The following DPF3 variants were observed in gnomAD, a reference collection of about 807,000 sequenced individuals.
DPF3 encodes the protein double PHD fingers 3, also known as zinc finger protein DPF3.
DPF3 carries 18 observed loss-of-function variants against 56.8 expected under a neutral mutation model. The observed-to-expected ratio is 0.32, with a 90% confidence interval of 0.22 to 0.47. DPF3 has a LOEUF of 0.47. DPF3 is among the 20% of genes least tolerant of loss of function. The pLI, the probability that DPF3 is intolerant of heterozygous loss-of-function variation, is 1.00. For synonymous variants in DPF3, 188 were observed against 180.2 expected (o/e 1.04, Z -0.35); for missense variants, 403 against 488.8 (o/e 0.82, Z 1.65).
intron 8 of DPF3, chr14:72,662,342 T>C (rs1886252534): frequency 2.0e-6 from 2 of 984,966 alleles, no homozygotes; most frequent in African/African-American, 1.7e-5. Context: ...AGTACTCTTA[T>C]GATTTCATGT....
intron 8 of DPF3, among the ~76,000 whole-genome samples, chr14:72,639,582 G>A (rs1885481818): frequency 6.6e-6 from 1 of 152,168 alleles, no homozygotes; most frequent in South Asian, 2.1e-4. Flanking sequence ...GGTCCATGTG[G>A]CAACATATGA....
At chr14:72,850,115 T>C (rs1884917010) in intron 1 of DPF3, among the ~76,000 whole-genome samples, 1 of 150,930 alleles carries the variant, frequency 6.6e-6, no homozygotes, top group African/African-American at 2.4e-5. Context: ...AGAAACTCCA[T>C]CTAAAAAAAA....
At chr14:72,828,724 G>A (rs1028019711) in intron 1 of DPF3, among the ~76,000 whole-genome samples, 1 of 152,032 alleles carries the variant, frequency 6.6e-6, no homozygotes, top group African/African-American at 2.4e-5. Context: ...CCCAAACAAC[G>A]GAGCCAAGAG....
intron 1 of DPF3, among the ~76,000 whole-genome samples, chr14:72,847,143 T>A (rs931124972): frequency 6.6e-6 from 1 of 152,036 alleles, no homozygotes; most frequent in African/African-American, 2.4e-5. Flanking sequence ...TATCCGTGAG[T>A]TGGTGTTTGA....
At chr14:72,789,060 G>A (rs991636893) in intron 1 of DPF3, among the ~76,000 whole-genome samples, 6 of 152,156 alleles carry the variant, frequency 3.9e-5, no homozygotes, top group Non-Finnish European at 7.3e-5. Context: ...CTACTTATTC[G>A]AAAACCATCA....
intron 1 of DPF3, among the ~76,000 whole-genome samples, chr14:72,777,435 T>G (rs1891789103): frequency 6.6e-6 from 1 of 152,124 alleles, no homozygotes. Context: ...AAGACCAAGT[T>G]TAGTGTTTGT....
chr14:72,646,130 T>C (rs2153568163), intron 8 of DPF3, among the ~76,000 whole-genome samples: 1 of 152,288 alleles, frequency 6.6e-6, no homozygotes, highest in South Asian at 2.1e-4. Flanking sequence ...CCCTCCTCTC[T>C]TTTCCACCAA....
At chr14:72,801,884 A>T (rs532163909) in intron 1 of DPF3, among the ~76,000 whole-genome samples, 14 of 152,276 alleles carry the variant, frequency 9.2e-5, no homozygotes, top group Admixed American at 3.9e-4. Context: ...TTCACATAAA[A>T]CACCCCAAGG....
chr14:72,672,471 CT>C (rs1344578657), intron 8 of DPF3, among the ~76,000 whole-genome samples: 2 of 152,200 alleles, frequency 1.3e-5, no homozygotes, highest in African/African-American at 4.8e-5. Context: ...CCAATGACAC[CT>C]GTTTCTTCCC....
In DPF3 at chr14:72,820,469, T is replaced by C. The variant is rs532613999; in HGVS notation, c.33-48576A>G. Among the ~76,000 whole-genome samples the C allele has an allele frequency of 2.0e-5, 3 of 152,318 alleles. No homozygotes were observed. The East Asian group carries it at 5.8e-4, about 29-fold the overall frequency. On this transcript the variant is annotated intron_variant, in intron 1 of 10. Transcript: ENST00000556509. Reference sequence around the variant, plus strand: ...TGCTTTGATGATAATTTTTGTTTTGTTTTTACTTTAATGATAATACTAGTA... The same window carrying C: ...TGCTTTGATGATAATTTTTGTTTTGCTTTTACTTTAATGATAATACTAGTA...
At chr14:72,817,550 G>A (rs563519398) in intron 1 of DPF3, among the ~76,000 whole-genome samples, 18 of 152,100 alleles carry the variant, frequency 1.2e-4, no homozygotes, top group East Asian at 7.8e-4. Context: ...GGCGCAAGCC[G>A]GTAGTCCCAG....
At chr14:72,661,075 C>T (rs2153569234) in intron 8 of DPF3, 1 of 985,496 alleles carries the variant, frequency 1.0e-6, no homozygotes, top group Non-Finnish European at 1.2e-6. Flanking sequence ...TTTTATTTAA[C>T]AGAAACTTAC....
At chr14:72,884,065 A>C (rs935541593) in intron 1 of DPF3, among the ~76,000 whole-genome samples, 1 of 152,040 alleles carries the variant, frequency 6.6e-6, no homozygotes, top group Non-Finnish European at 1.5e-5. Flanking sequence ...CAGTCATCTC[A>C]GTTGAAGGAG....
chr14:72,832,700 A>G (rs1567249030), intron 1 of DPF3, among the ~76,000 whole-genome samples: 1 of 152,218 alleles, frequency 6.6e-6, no homozygotes. Flanking sequence ...TCAATTTGCA[A>G]ATTCTTTCAC....
chr14:72,886,508 A>G (rs79084699), intron 1 of DPF3, among the ~76,000 whole-genome samples: 12,400 of 152,284 alleles, frequency 0.081, 747 homozygotes, highest in East Asian at 0.19. Context: ...AAGATTAGAA[A>G]TAAATGTACT....
intron 7 of DPF3, among the ~76,000 whole-genome samples, chr14:72,688,084 T>C (rs1474024607): frequency 6.6e-6 from 1 of 150,844 alleles, no homozygotes; most frequent in Non-Finnish European, 1.5e-5. Flanking sequence ...AGTCCCAGCA[T>C]ATAGACAATA....
intron 8 of DPF3, among the ~76,000 whole-genome samples, chr14:72,638,819 A>ATTTTTTTT (rs71109742): frequency 7.1e-6 from 1 of 141,694 alleles, no homozygotes; most frequent in Non-Finnish European, 1.5e-5. Context: ...TTTGTTTTAC[A>ATTTTTTTT]TTTTTTTTTT....
intron 1 of DPF3, among the ~76,000 whole-genome samples, chr14:72,780,580 C>G (rs1160879239): frequency 6.6e-6 from 1 of 152,184 alleles, no homozygotes; most frequent in African/African-American, 2.4e-5. Context: ...TGAGGTGAGC[C>G]TGAAGTTATC....
chr14:72,813,990 T>C (rs1291225519), intron 1 of DPF3, among the ~76,000 whole-genome samples: 4 of 152,194 alleles, frequency 2.6e-5, no homozygotes, highest in Non-Finnish European at 4.4e-5. Flanking sequence ...GCCCAGTACA[T>C]GGTTTCTTGT....
Sources: gnomAD v4.1 joint callset for allele counts (sites outside exome capture counted in the v4.1 genomes callset) on GRCh38, gnomAD v4.1.1 for gene constraint, MANE v1.5 for transcripts, NCBI Gene and HGNC (gene_info 2026-07-23, HGNC 2026-07-21) for gene names.